LTBP1: variants seen among roughly 807,000 people sequenced by gnomAD.
The protein encoded by LTBP1 is latent-transforming growth factor beta-binding protein 1.
LTBP1 carries 129 observed loss-of-function variants against 207.6 expected under a neutral mutation model. The ratio of observed to expected loss-of-function variants is 0.62; its 90% CI spans 0.54 to 0.72. The LOEUF is 0.72. Ranked by LOEUF, LTBP1 falls within the 30% of genes least tolerant of loss-of-function variation. The probability of loss-of-function intolerance (pLI) is 0.00; values close to 1 mark genes in which losing one functional copy is unlikely to be tolerated. For synonymous variants in LTBP1, 963 were observed against 833.7 expected (o/e 1.16, Z -2.67); for missense variants, 2,281 against 2,217.2 (o/e 1.03, Z -0.58).
At chr2:33,175,819 C>T (rs1310666514) in intron 5 of LTBP1, among the ~76,000 whole-genome samples, 1 of 105,816 alleles carries the variant, frequency 9.5e-6, no homozygotes, top group Non-Finnish European at 2.1e-5. Context: ...GAATACTATG[C>T]AGCCATAAAA....
chr2:33,266,227 A>C (rs1171130399), intron 15 of LTBP1, among the ~76,000 whole-genome samples: 1 of 152,194 alleles, frequency 6.6e-6, no homozygotes, highest in Admixed American at 6.5e-5. Flanking sequence ...TGCTTGGGTG[A>C]GTGTTGACAT....
At chr2:32,972,317 G>C (rs940520873) in intron 2 of LTBP1, among the ~76,000 whole-genome samples, 6 of 149,082 alleles carry the variant, frequency 4.0e-5, no homozygotes, top group African/African-American at 1.5e-4. Flanking sequence ...TCTGATTTTG[G>C]TTATTTCCTG....
intron 24 of LTBP1, among the ~76,000 whole-genome samples, chr2:33,328,603 AG>A (rs1278139346): frequency 1.3e-5 from 2 of 152,202 alleles, no homozygotes; most frequent in Non-Finnish European, 2.9e-5. Flanking sequence ...AGGTCTCATG[AG>A]ACTTACTCAC....
chr2:33,330,695 A>G (rs112125692), intron 24 of LTBP1, among the ~76,000 whole-genome samples: 409 of 151,674 alleles, frequency 2.7e-3, no homozygotes, highest in African/African-American at 9.4e-3. Flanking sequence ...TTTTCCTTAT[A>G]GCAGTCTAAG....
chr2:33,147,675 G>A (rs1218797407), intron 5 of LTBP1, among the ~76,000 whole-genome samples: 5 of 152,122 alleles, frequency 3.3e-5, no homozygotes, highest in Admixed American at 6.5e-5. Flanking sequence ...GCGAGGCAGC[G>A]TCTCAGGCAG....
At chr2:32,993,440 T>C (rs1157864900) in intron 2 of LTBP1, among the ~76,000 whole-genome samples, 1 of 152,212 alleles carries the variant, frequency 6.6e-6, no homozygotes, top group African/African-American at 2.4e-5. Context: ...CTCTCATATA[T>C]ACAAGTTCAA....
intron 5 of LTBP1, among the ~76,000 whole-genome samples, chr2:33,140,083 T>C (rs966021684): frequency 2.6e-5 from 4 of 152,214 alleles, no homozygotes; most frequent in Admixed American, 6.5e-5. Flanking sequence ...TCTGGCATCC[T>C]GTAGCTGTTC....
At chr2:32,976,578 C>G (rs1681820889) in intron 2 of LTBP1, among the ~76,000 whole-genome samples, 1 of 152,160 alleles carries the variant, frequency 6.6e-6, no homozygotes, top group Non-Finnish European at 1.5e-5. Flanking sequence ...TAGGAGTGCT[C>G]TATGTTGGGG....
chr2:33,123,843 A>G (rs752398844), intron 4 of LTBP1, among the ~76,000 whole-genome samples: 2 of 152,220 alleles, frequency 1.3e-5, no homozygotes, highest in South Asian at 2.1e-4. Flanking sequence ...TAATACTTGT[A>G]TATTACTTGA....
chr2:33,289,673 A>G (rs2093735493), intron 19 of LTBP1, among the ~76,000 whole-genome samples: 1 of 152,090 alleles, frequency 6.6e-6, no homozygotes, highest in Non-Finnish European at 1.5e-5. Flanking sequence ...GCTAGAACCA[A>G]TTTTTTTTAT....
intron 7 of LTBP1, among the ~76,000 whole-genome samples, chr2:33,193,929 G>A (rs2088230378): frequency 6.6e-6 from 1 of 152,084 alleles, no homozygotes; most frequent in South Asian, 2.1e-4. Flanking sequence ...TAACACAATG[G>A]CCTTTAAATG....
Position 33,243,762 on chromosome 2 carries a change from T to C in LTBP1, c.1977T>C (p.Asp659=). 1 of 1,614,072 alleles carries C rather than the reference T, an allele frequency of 6.2e-7. No individual in the cohort carries two copies. The highest frequency in any genetic ancestry group is 8.5e-7 in the Non-Finnish European group (1 of 1,179,962). ...RCTCKIGFGP[D]PTFSSCVPDP... ...CCTGCAAAATAGGATTTGGGCCGGA[T>C]CCTACCTTTTCAAGTTGTGTTCGTA... Residue 659 remains aspartate, a synonymous_variant, in exon 10 of 34, where the codon GAT becomes GAC. Transcript: ENST00000404816.
In LTBP1 at chr2:33,300,549, T is replaced by C; in HGVS notation, c.3334T>C (p.Ser1112Pro). The change falls in exon 21 of 34, where the codon TCG (serine) becomes CCG (proline). Residue 1112 changes from serine to proline, a missense_variant. Ser to Pro is a moderately conservative substitution (Grantham distance 74). Coordinates refer to ENST00000404816, the MANE Select transcript of LTBP1 (RefSeq NM_206943.4). ...RCTCGQGYQLSAAKDQCEDID... is the reference protein window; with the variant it reads ...RCTCGQGYQLPAAKDQCEDID... ...CACCTGTGGACAGGGGTACCAGCTGTCGGCAGCTAAAGACCAGTGTGAAGG... is the reference window on the plus strand; with the variant it reads ...CACCTGTGGACAGGGGTACCAGCTGCCGGCAGCTAAAGACCAGTGTGAAGG... The C allele has an allele frequency of 6.2e-7, 1 of 1,613,630 alleles. No homozygotes were observed. The highest frequency in any genetic ancestry group is 8.5e-7 in the Non-Finnish European group (1 of 1,179,694).
chr2:32,947,601 G>T lies in LTBP1; in HGVS notation c.277G>T (p.Ala93Ser). ...CCGGCGCACGAGCAAGCCGGGCGGCGCGGCCCTGCAGGGGCTCAGACCGCC... is the reference window on the plus strand; with the variant it reads ...CCGGCGCACGAGCAAGCCGGGCGGCTCGGCCCTGCAGGGGCTCAGACCGCC... ...RTRRTSKPGG[A>S]ALQGLRPPPP... The change falls in exon 1 of 34, where the codon GCG becomes TCG. Residue 93 changes from alanine (A) to serine (S), a missense_variant. Physicochemically the swap from Ala to Ser is moderately conservative, Grantham distance 99 (BLOSUM62 1). Coordinates refer to ENST00000404816, the MANE Select transcript of LTBP1 (RefSeq NM_206943.4). 7.6e-7 allele frequency: 1 copy of T among 1,312,566 alleles called. No individual in the cohort carries two copies. 81.3% of individuals were successfully genotyped at this position (1,312,566 alleles called of 1,614,324 possible).
intron 3 of LTBP1, among the ~76,000 whole-genome samples, chr2:33,095,984 G>A (rs547634736): frequency 6.6e-6 from 1 of 152,194 alleles, no homozygotes; most frequent in South Asian, 2.1e-4. Context: ...GTATTAGACA[G>A]TCTTGCAGAT....
chr2:33,153,241 G>C (rs2147878141), intron 5 of LTBP1, among the ~76,000 whole-genome samples: 1 of 152,278 alleles, frequency 6.6e-6, no homozygotes, highest in East Asian at 1.9e-4. Context: ...TGTGTCATCA[G>C]CTTGACAAGT....
chr2:32,992,804 C>T (rs1236857852), intron 2 of LTBP1, among the ~76,000 whole-genome samples: 3 of 151,986 alleles, frequency 2.0e-5, no homozygotes, highest in Non-Finnish European at 4.4e-5. Context: ...CAGGGTGGCG[C>T]ATGGAGGAAG....
chr2:33,350,437 G>T (rs2094764992), intron 26 of LTBP1, among the ~76,000 whole-genome samples: 1 of 152,192 alleles, frequency 6.6e-6, no homozygotes, highest in African/African-American at 2.4e-5. Flanking sequence ...AGAAAATACT[G>T]GAGTGCTTCC....
At chr2:33,293,498 A>G (rs1348693227) in intron 20 of LTBP1, among the ~76,000 whole-genome samples, 2 of 152,124 alleles carry the variant, frequency 1.3e-5, no homozygotes, top group African/African-American at 4.8e-5. Context: ...ATTTTTAGAG[A>G]GTGTCTGTGA....
Sources: allele counts gnomAD v4.1 joint callset (sites outside exome capture counted in the v4.1 genomes callset), GRCh38; gene constraint gnomAD v4.1.1; transcripts MANE v1.5; gene names NCBI Gene and HGNC (gene_info 2026-07-23, HGNC 2026-07-21).